The following SLIT3 variants were observed in gnomAD, a reference collection of about 807,000 sequenced individuals.
SLIT3 encodes the protein slit homolog 3 protein.
A neutral mutation model predicts 184.0 loss-of-function variants in SLIT3; 68 were observed. The observed-to-expected ratio is 0.37, with a 90% CI of 0.30 to 0.45. The LOEUF (loss-of-function observed/expected upper bound fraction) is 0.45, where lower values mean the gene tolerates loss of function less well. Among genes scored for constraint, SLIT3 ranks in the 20% least tolerant of loss-of-function variants. SLIT3 has a pLI of 1.00. For missense variants in SLIT3, 1,707 were observed against 2,026.0 expected (o/e 0.84, Z 3.02); for synonymous variants, 831 against 828.6 (o/e 1.00, Z -0.05).
At chr5:168,714,003 C>T (rs1034629861) in intron 23 of SLIT3, among the ~76,000 whole-genome samples, 4 of 152,172 alleles carry the variant, frequency 2.6e-5, no homozygotes, top group Non-Finnish European at 5.9e-5. Context: ...CATTGATATC[C>T]TCATCACCAT....
intron 1 of SLIT3, among the ~76,000 whole-genome samples, chr5:169,277,149 C>A (rs1454298468): frequency 6.6e-6 from 1 of 151,188 alleles, no homozygotes; most frequent in African/African-American, 2.5e-5. Context: ...ATGCTGGACA[C>A]TTCATGTAAG....
intron 4 of SLIT3, among the ~76,000 whole-genome samples, chr5:168,898,162 C>A (rs1282323378): frequency 6.6e-6 from 1 of 152,212 alleles, no homozygotes; most frequent in African/African-American, 2.4e-5. Flanking sequence ...CCTCTAGTAT[C>A]TTAAGTTTAC....
At chr5:169,219,290 T>C (rs1487882784) in intron 3 of SLIT3, among the ~76,000 whole-genome samples, 1 of 152,212 alleles carries the variant, frequency 6.6e-6, no homozygotes, top group African/African-American at 2.4e-5. Flanking sequence ...CTCCTAACCT[T>C]CCTCGAATGC....
intron 27 of SLIT3, among the ~76,000 whole-genome samples, chr5:168,698,604 A>T (rs1233116781): frequency 3.3e-5 from 5 of 152,228 alleles, no homozygotes; most frequent in African/African-American, 1.2e-4. Flanking sequence ...ATTTCTGGTG[A>T]TTACAGCCAC....
intron 8 of SLIT3, among the ~76,000 whole-genome samples, chr5:168,816,433 T>G (rs563839971): frequency 6.6e-6 from 1 of 152,278 alleles, no homozygotes; most frequent in South Asian, 2.1e-4. Flanking sequence ...GTGATCCACC[T>G]GCTTTGGCCT....
At chr5:168,931,091 C>T (rs535794866) in intron 4 of SLIT3, among the ~76,000 whole-genome samples, 3 of 152,238 alleles carry the variant, frequency 2.0e-5, no homozygotes, top group East Asian at 1.9e-4. Context: ...AGGGAAAACT[C>T]GGGGGACTCT....
intron 4 of SLIT3, among the ~76,000 whole-genome samples, chr5:169,162,188 G>A (rs1762502268): frequency 6.6e-6 from 1 of 152,196 alleles, no homozygotes; most frequent in Admixed American, 6.5e-5. Flanking sequence ...GTACTTCCCA[G>A]TATGACAGTC....
intron 3 of SLIT3, among the ~76,000 whole-genome samples, chr5:169,194,633 C>T (rs959412967): frequency 6.6e-6 from 1 of 152,156 alleles, no homozygotes; most frequent in African/African-American, 2.4e-5. Flanking sequence ...GGGCCCCTAA[C>T]AGTATTGTAG....
At chr5:168,759,949 G>A (rs529311628) in intron 16 of SLIT3, among the ~76,000 whole-genome samples, 42 of 152,312 alleles carry the variant, frequency 2.8e-4, no homozygotes, top group African/African-American at 9.6e-4. Context: ...CTCCTCTTCT[G>A]TGCTGGTACC....
At chr5:168,867,951 A>T (rs1257930618) in intron 5 of SLIT3, among the ~76,000 whole-genome samples, 2 of 152,214 alleles carry the variant, frequency 1.3e-5, no homozygotes, top group African/African-American at 4.8e-5. Context: ...GTTGAATGGG[A>T]CCCACAGATG....
intron 12 of SLIT3, among the ~76,000 whole-genome samples, chr5:168,775,182 T>C (rs1755699652): frequency 6.6e-6 from 1 of 151,932 alleles, no homozygotes; most frequent in Admixed American, 6.6e-5. Flanking sequence ...GGATTACAGG[T>C]GTGCACCACC....
At chr5:168,892,370 A>C (rs1760498673) in intron 4 of SLIT3, among the ~76,000 whole-genome samples, 1 of 152,206 alleles carries the variant, frequency 6.6e-6, no homozygotes, top group Non-Finnish European at 1.5e-5. Context: ...GCTAGTGCCT[A>C]CTATATTGGA....
intron 4 of SLIT3, among the ~76,000 whole-genome samples, chr5:168,906,649 T>C (rs1049156741): frequency 6.6e-6 from 1 of 152,042 alleles, no homozygotes; most frequent in African/African-American, 2.4e-5. Context: ...TATATATATA[T>C]TTTTTTCCGA....
intron 4 of SLIT3, among the ~76,000 whole-genome samples, chr5:169,118,458 G>T (rs1022672994): frequency 1.3e-5 from 2 of 152,176 alleles, no homozygotes; most frequent in Admixed American, 1.3e-4. Flanking sequence ...TTGGACTTTT[G>T]AAAGGCCAGG....
intron 1 of SLIT3, among the ~76,000 whole-genome samples, chr5:169,271,082 T>A (rs928705233): frequency 3.3e-5 from 5 of 152,136 alleles, no homozygotes; most frequent in African/African-American, 1.2e-4. Flanking sequence ...GAGTACATCA[T>A]GTGAATGGTG....
intron 4 of SLIT3, among the ~76,000 whole-genome samples, chr5:169,129,656 A>T (rs1345462099): frequency 2.0e-5 from 3 of 152,162 alleles, no homozygotes; most frequent in Admixed American, 1.3e-4. Flanking sequence ...AACTGAAAAA[A>T]CTGTCACAGT....
chr5:169,166,472 C>G (rs529244955), intron 4 of SLIT3, among the ~76,000 whole-genome samples: 1 of 152,018 alleles, frequency 6.6e-6, no homozygotes, highest in Non-Finnish European at 1.5e-5. Context: ...ACACACATCT[C>G]GGTCTGCATG....
chr5:168,781,114 C>A (rs1017473974), intron 12 of SLIT3, among the ~76,000 whole-genome samples: 2 of 152,210 alleles, frequency 1.3e-5, no homozygotes, highest in Non-Finnish European at 2.9e-5. Flanking sequence ...ACCAGGCATG[C>A]AGCAACACCA....
rs182535838 is a variant in SLIT3 at position 168,980,853 on chromosome 5, A to G, written c.414-97517T>C. On this transcript the variant is annotated intron_variant, in intron 4 of 35. Coordinates refer to ENST00000519560, the MANE Select transcript of SLIT3 (RefSeq NM_003062.4). ...TCATTAAAGACACTAGGGTAGAAGA[A>G]TATTTAGTGATGTGGGAAAATGTTT... 5.7e-3 allele frequency among the ~76,000 whole-genome samples: 861 copies of G among 152,340 alleles called. 8 individuals carry two copies. Among genetic ancestry groups the G allele is most frequent in the Non-Finnish European group, 7.9e-3 (535 of 68,032 alleles).
Sources: allele counts gnomAD v4.1 joint callset (sites outside exome capture counted in the v4.1 genomes callset), GRCh38; gene constraint gnomAD v4.1.1; transcripts MANE v1.5; gene names NCBI Gene and HGNC (gene_info 2026-07-23, HGNC 2026-07-21).